Variants in GALNT17 observed in about 807,000 individuals in gnomAD.
GALNT17 encodes the protein UDP-GalNAc:polypeptide N-acetylgalactosaminyltransferase-like 3.
In GALNT17, 29 loss-of-function variants were observed where a neutral mutation model predicts 63.7. The ratio of observed to expected loss-of-function variants is 0.46; its 90% CI spans 0.34 to 0.62. The LOEUF (loss-of-function observed/expected upper bound fraction) is 0.62. Ranked by LOEUF, GALNT17 falls within the 20% of genes least tolerant of loss-of-function variation. The probability of loss-of-function intolerance (pLI) is 0.01; values close to 1 mark genes in which losing one functional copy is unlikely to be tolerated. For synonymous variants in GALNT17, 305 were observed against 318.3 expected, an observed-to-expected ratio of 0.96 and a Z score of 0.45; for missense variants, 603 against 799.6, an observed-to-expected ratio of 0.75 and a Z score of 2.97.
chr7:71,299,614 T>G (rs1791156929), intron 1 of GALNT17, among the ~76,000 whole-genome samples: 1 of 151,830 alleles, frequency 6.6e-6, no homozygotes, highest in Admixed American at 6.5e-5. Flanking sequence ...TCGTGGGATG[T>G]ATAGACATTG....
At chr7:71,149,012 G>A (rs144302890) in intron 1 of GALNT17, among the ~76,000 whole-genome samples, 1 of 151,784 alleles carries the variant, frequency 6.6e-6, no homozygotes, top group African/African-American at 2.4e-5. Flanking sequence ...GCTCACTGCA[G>A]CCTCGAACTC....
At chr7:71,544,704 C>T (rs1233584645) in intron 5 of GALNT17, among the ~76,000 whole-genome samples, 1 of 152,170 alleles carries the variant, frequency 6.6e-6, no homozygotes, top group Non-Finnish European at 1.5e-5. Context: ...CAGTTGGCAT[C>T]TCTCTTTCAT....
At chr7:71,315,406 A>T (rs765519569) in intron 1 of GALNT17, among the ~76,000 whole-genome samples, 1 of 152,080 alleles carries the variant, frequency 6.6e-6, no homozygotes, top group Admixed American at 6.6e-5. Flanking sequence ...GAATTGTTGG[A>T]TCATATGGTA....
chr7:71,208,272 C>G (rs562194090), intron 1 of GALNT17, among the ~76,000 whole-genome samples: 2 of 151,974 alleles, frequency 1.3e-5, no homozygotes, highest in African/African-American at 4.8e-5. Flanking sequence ...TGGTGTTTCT[C>G]AAAACACAAC....
At chr7:71,525,683 C>CTT (rs1177478299) in intron 5 of GALNT17, among the ~76,000 whole-genome samples, 1 of 130,014 alleles carries the variant, frequency 7.7e-6, no homozygotes, top group Non-Finnish European at 1.6e-5. Context: ...CATTAAATGC[C>CTT]TTTTTTTTTT....
intron 1 of GALNT17, among the ~76,000 whole-genome samples, chr7:71,297,562 G>C (rs1236017295): frequency 7.9e-6 from 1 of 125,948 alleles, no homozygotes; most frequent in South Asian, 2.8e-4. Flanking sequence ...CCAGGAGGCA[G>C]AGGTTGCAGT....
At chr7:71,377,351 C>T (rs533341080) in intron 2 of GALNT17, among the ~76,000 whole-genome samples, 54,461 of 151,354 alleles carry the variant, frequency 0.36, 10,819 homozygotes, top group Non-Finnish European at 0.45. Context: ...GGTGAATATT[C>T]GGAGAATATT....
chr7:71,697,920 C>G (rs1422763085), intron 9 of GALNT17, among the ~76,000 whole-genome samples: 1 of 151,862 alleles, frequency 6.6e-6, no homozygotes, highest in Non-Finnish European at 1.5e-5. Context: ...GTCAGGAGTT[C>G]AAGACCAGCC....
At chr7:71,302,587 C>T (rs1791220255) in intron 1 of GALNT17, among the ~76,000 whole-genome samples, 1 of 152,148 alleles carries the variant, frequency 6.6e-6, no homozygotes, top group African/African-American at 2.4e-5. Flanking sequence ...TCTGTTGCCT[C>T]TGAGCTCAGG....
At chr7:71,520,466 T>A (rs1401876638) in intron 5 of GALNT17, among the ~76,000 whole-genome samples, 3 of 151,602 alleles carry the variant, frequency 2.0e-5, no homozygotes, top group African/African-American at 7.3e-5. Flanking sequence ...GAGGTTGTAG[T>A]GAGCTGAGAT....
chr7:71,309,666 A>G (rs941342075), intron 1 of GALNT17, among the ~76,000 whole-genome samples: 6 of 152,194 alleles, frequency 3.9e-5, no homozygotes, highest in Non-Finnish European at 7.3e-5. Flanking sequence ...AATATAGGAT[A>G]TTATAATGAT....
At chr7:71,304,944 C>G (rs1791262459) in intron 1 of GALNT17, among the ~76,000 whole-genome samples, 1 of 152,060 alleles carries the variant, frequency 6.6e-6, no homozygotes, top group South Asian at 2.1e-4. Flanking sequence ...AGGGTTTCAC[C>G]ATGTTGGCCA....
At chr7:71,415,153 A>G (rs1166213982) in intron 3 of GALNT17, among the ~76,000 whole-genome samples, 2 of 152,084 alleles carry the variant, frequency 1.3e-5, no homozygotes, top group African/African-American at 4.8e-5. Flanking sequence ...ACAGGTGCAC[A>G]ACACTGCACT....
chr7:71,464,790 T>C (rs1051927849), intron 5 of GALNT17, among the ~76,000 whole-genome samples: 2 of 152,066 alleles, frequency 1.3e-5, no homozygotes, highest in African/African-American at 4.8e-5. Flanking sequence ...CTGCTTTCTC[T>C]TTTGTCTGTT....
At chr7:71,170,705 A>G (rs944914535) in intron 1 of GALNT17, among the ~76,000 whole-genome samples, 18 of 152,102 alleles carry the variant, frequency 1.2e-4, no homozygotes, top group Non-Finnish European at 2.9e-5. Context: ...TTGTCCTGAT[A>G]AGGGATGCTT....
chr7:71,183,723 C>G (rs895568504), intron 1 of GALNT17, among the ~76,000 whole-genome samples: 2 of 151,652 alleles, frequency 1.3e-5, no homozygotes, highest in African/African-American at 4.9e-5. Flanking sequence ...ATGGTGAAAC[C>G]CCCACTGTAC....
At chr7:71,144,387 A>C (rs1787976112) in intron 1 of GALNT17, among the ~76,000 whole-genome samples, 1 of 152,270 alleles carries the variant, frequency 6.6e-6, no homozygotes, top group East Asian at 1.9e-4. Flanking sequence ...CTGGGCCCTC[A>C]GCATGTCCAG....
Position 71,421,113 on chromosome 7 carries a change from G to A in GALNT17, c.962+8G>A, listed in dbSNP as rs758955349. The stretch of plus-strand genomic sequence containing the variant: ...CCCTTCTCTCCCCATCAGGTCTGTG[G>A]CTGGTGAGCCCTGGCGGCCAACGAG... On this transcript the variant is annotated splice_region_variant and intron_variant, in intron 5 of 10. Transcript: ENST00000333538. 1.2e-6 allele frequency: 2 copies of A among 1,613,932 alleles called. No homozygotes were observed. Among genetic ancestry groups the A allele is most frequent in the South Asian group, 2.2e-5 (2 of 91,072 alleles).
At chr7:71,621,735 A>G (rs925780954) in intron 6 of GALNT17, among the ~76,000 whole-genome samples, 25 of 152,346 alleles carry the variant, frequency 1.6e-4, no homozygotes, top group African/African-American at 5.8e-4. Flanking sequence ...TGATAAAATT[A>G]TAACATTCTA....
Sources: gnomAD v4.1 joint callset for allele counts (sites outside exome capture counted in the v4.1 genomes callset) on GRCh38, gnomAD v4.1.1 for gene constraint, MANE v1.5 for transcripts, NCBI Gene and HGNC (gene_info 2026-07-23, HGNC 2026-07-21) for gene names.